Variants in ISLR2 observed in about 807,000 individuals in gnomAD.
ISLR2 encodes immunoglobulin superfamily containing leucine-rich repeat protein 2.
ISLR2 carries 16 observed loss-of-function variants against 25.5 expected under a neutral mutation model. The ratio of observed to expected loss-of-function variants is 0.63; its 90% CI spans 0.43 to 0.95. The LOEUF (loss-of-function observed/expected upper bound fraction) is 0.95, where lower values mean the gene tolerates loss of function less well. Ranked by LOEUF, ISLR2 falls within the 40% of genes least tolerant of loss-of-function variation. The pLI is 0.00. For missense variants in ISLR2, 883 were observed against 1,030.7 expected (o/e 0.86, Z 1.96); for synonymous variants, 508 against 486.6 (o/e 1.04, Z -0.58).
chr15:74,128,156 C>T (rs1367283022), upstream of ISLR2: 1 of 298,926 alleles, frequency 3.3e-6, no homozygotes, highest in Admixed American at 5.3e-5. Flanking sequence ...CCGGACGGCG[C>T]CGGACGAGGT....
intron 2 of ISLR2, among the ~76,000 whole-genome samples, chr15:74,106,540 G>C (rs1190631174): frequency 2.0e-5 from 3 of 152,042 alleles, no homozygotes; most frequent in Non-Finnish European, 4.4e-5. Context: ...AGCTGGGCAG[G>C]CTGGATCCCA....
rs147968872 is a variant in ISLR2 at position 74,134,113 on chromosome 15, G to C, written c.1359G>C (p.Pro453=). 1.6e-5 allele frequency: 26 copies of C among 1,613,570 alleles called. No individual in the cohort carries two copies. In the African/African-American group the frequency reaches 2.9e-4, roughly 18 times the overall value. Reference sequence around the variant, plus strand: ...CCGAAGACCAGATCCTCGCGGACCCGGCGGAGGAGCAGCGCTGTGGCAACG... The same window carrying C: ...CCGAAGACCAGATCCTCGCGGACCCCGCGGAGGAGCAGCGCTGTGGCAACG... ...EEAEDQILAD[P]AEEQRCGNGD... is the part of the protein sequence containing the mutation. Residue 453 remains proline (P), a synonymous_variant, in exon 3 of 3, where the codon CCG becomes CCC. Coordinates refer to ENST00000453268, the MANE Select transcript of ISLR2 (RefSeq NM_020851.3).
chr15:74,125,908 A>G (rs544477974), upstream of ISLR2: 1 of 152,374 alleles, frequency 6.6e-6, no homozygotes, highest in South Asian at 2.1e-4. Flanking sequence ...ACAAAGTCCA[A>G]TAAATACTTA....
chr15:74,136,751 G>C lies in ISLR2; in HGVS notation c.*1759G>C, dbSNP rs1296150925. ...GGGACGGAGTAGCCCCCCGGAGCCC[G>C]TGCCCTTTTCTAAACGCGTCTGTAT... On this transcript the variant is annotated 3_prime_UTR_variant, in exon 3 of 3. Transcript: ENST00000453268. The C allele has an allele frequency of 6.0e-6, 1 of 167,158 alleles. No individual in the cohort carries two copies. The highest frequency in any genetic ancestry group is 1.5e-5 in the Non-Finnish European group (1 of 68,214). 10.4% of individuals were successfully genotyped at this position (167,158 alleles called of 1,614,324 possible). A position where few individuals can be genotyped will look rare whatever the true frequency, so the allele number is the denominator to read the frequency against.
Position 74,133,510 on chromosome 15 carries a change from A to G in ISLR2, c.756A>G (p.Ala252=), listed in dbSNP as rs762058531. Residue 252 remains alanine, a synonymous_variant, in exon 3 of 3, where the codon GCA becomes GCG. Transcript: ENST00000453268. ...PLEAPGTPLR[A]GLAFVLHCIA... is the part of the protein sequence containing the mutation. ...AAGCACCCGGCACCCCACTGCGCGC[A>G]GGACTGGCGTTCGTGTTACACTGCA... 5.6e-6 allele frequency: 9 copies of G among 1,613,928 alleles called. No homozygotes were observed. The highest frequency in any genetic ancestry group is 7.6e-6 in the Non-Finnish European group (9 of 1,179,992).
chr15:74,125,239 G>A (rs535392745), upstream of ISLR2, among the ~76,000 whole-genome samples: 26 of 152,000 alleles, frequency 1.7e-4, no homozygotes, highest in African/African-American at 5.3e-4. Context: ...TTTTGTTTTC[G>A]TTTTTGTTTT....
downstream of ISLR2, among the ~76,000 whole-genome samples, chr15:74,137,289 A>C (rs2072579984): frequency 6.6e-6 from 1 of 152,228 alleles, no homozygotes; most frequent in Admixed American, 6.5e-5. Context: ...TGTGGCTTGC[A>C]CAAGAGAAGT....
chr15:74,107,050 G>A (rs2072126232), intron 2 of ISLR2, among the ~76,000 whole-genome samples: 1 of 151,386 alleles, frequency 6.6e-6, no homozygotes, highest in Non-Finnish European at 1.5e-5. Context: ...GGAGGTGCCT[G>A]CTGGAGGGAC....
chr15:74,117,162 A>G (rs1032240359), intron 2 of ISLR2, among the ~76,000 whole-genome samples: 3 of 152,140 alleles, frequency 2.0e-5, no homozygotes, highest in African/African-American at 4.8e-5. Context: ...TTCATCAGCT[A>G]CAGTTACTTT....
rs999955319 is a variant in ISLR2, at chr15:74,134,387, C to G, written c.1633C>G (p.Arg545Gly). 1.2e-6 allele frequency: 2 copies of G among 1,608,444 alleles called. No homozygotes were observed. The highest frequency in any genetic ancestry group is 1.7e-6 in the Non-Finnish European group (2 of 1,178,696). Residue 545 changes from arginine (R) to glycine (G), a missense_variant, in exon 3 of 3, where the codon CGC (arginine) becomes GGC (glycine). Around this residue, in one of 2 missense-constraint regions of ISLR2, gnomAD observed 612 missense variants for 642.8 expected, o/e 0.95. Coordinates refer to ENST00000453268, the MANE Select transcript of ISLR2 (RefSeq NM_020851.3). ...AGGGAAVQWS[R>G]VEEGVNAYWF... ...GGGCGGCGCGGCAGTGCAGTGGTCC[C>G]GCGTAGAGGAAGGCGTCAACGCCTA...
At chr15:74,109,931 A>T (rs1389716940) in intron 2 of ISLR2, among the ~76,000 whole-genome samples, 1 of 151,980 alleles carries the variant, frequency 6.6e-6, no homozygotes, top group Non-Finnish European at 1.5e-5. Flanking sequence ...AGTAGCTGAA[A>T]CCATAGACGC....
chr15:74,132,473 G>A lies in ISLR2; in HGVS notation c.-8-274G>A, dbSNP rs1376019765. On this transcript the variant is annotated intron_variant, in intron 2 of 2. Transcript: ENST00000453268. The surrounding 1 kb of genome is among the most constrained non-coding windows in gnomAD (Gnocchi z 4.3). The stretch of plus-strand genomic sequence containing the variant: ...TGGGCGAGCTGCGGAGCCCACGGAG[G>A]GGCCAGCTCCAGCGTGAAGGAAGGA... Among the ~76,000 whole-genome samples, 2 of 152,150 alleles carry A rather than the reference G, an allele frequency of 1.3e-5. No individual in the cohort carries two copies. Among genetic ancestry groups the A allele is most frequent in the East Asian group, 1.9e-4 (1 of 5,188 alleles).
intron 2 of ISLR2, among the ~76,000 whole-genome samples, chr15:74,104,766 G>A (rs2072107743): frequency 6.6e-6 from 1 of 151,124 alleles, no homozygotes; most frequent in Non-Finnish European, 1.5e-5. Context: ...TTTTTTCTCT[G>A]TTGCATATGG....
In ISLR2 at chr15:74,134,749, C is replaced by T. The variant is rs774366048; in HGVS notation, c.1995C>T (p.Gly665=). The change falls in exon 3 of 3, where the codon GGC becomes GGT. Residue 665 remains glycine, a synonymous_variant. Transcript: ENST00000453268. ...EKSYPAGGEA[G]GEEPEDVQGE... Reference sequence around the variant, plus strand: ...GCTACCCGGCAGGCGGCGAGGCGGGCGGCGAGGAGCCAGAGGACGTGCAGG... The same window carrying T: ...GCTACCCGGCAGGCGGCGAGGCGGGTGGCGAGGAGCCAGAGGACGTGCAGG... 2 of 1,613,944 alleles carry T rather than the reference C, an allele frequency of 1.2e-6. No homozygotes were observed. Among genetic ancestry groups the T allele is most frequent in the Admixed American group, 3.3e-5 (2 of 60,032 alleles).
downstream of ISLR2, among the ~76,000 whole-genome samples, chr15:74,140,943 CGCA>C (rs1395440563): frequency 1.3e-5 from 2 of 152,150 alleles, no homozygotes; most frequent in East Asian, 3.8e-4. Flanking sequence ...TTGCAATATT[CGCA>C]TTTTGTTCAA....
upstream of ISLR2, chr15:74,128,419 GCGTCCTTAACCACCCCAGGAGCCC>G: frequency 2.2e-6 from 1 of 455,376 alleles, no homozygotes; most frequent in Non-Finnish European, 4.4e-6. Context: ...GGTGGTCACC[GCGTCCTTAACCACCCCAGGAGCCC>G]CGTCTCCCTG....
intron 2 of ISLR2, among the ~76,000 whole-genome samples, chr15:74,106,908 C>T (rs569862892): frequency 6.6e-6 from 1 of 152,256 alleles, no homozygotes; most frequent in African/African-American, 2.4e-5. Flanking sequence ...CAGAGCCCTT[C>T]ATTCTCTCTC....
Position 74,135,088 on chromosome 15 carries a change from A to G in ISLR2, c.*96A>G. 3 of 1,406,962 alleles carry G rather than the reference A, an allele frequency of 2.1e-6. No individual in the cohort carries two copies. Among genetic ancestry groups the G allele is most frequent in the East Asian group, 2.3e-5 (1 of 43,394 alleles). The allele number at this position is 1,406,962 out of a possible 1,614,324, so 87.2% of individuals were successfully genotyped here. ...GCAGGACTTATGTCCCCCGTCCCCAACCTTCACCTACTCCTCCCCCTTACT... is the reference window on the plus strand; with the variant it reads ...GCAGGACTTATGTCCCCCGTCCCCAGCCTTCACCTACTCCTCCCCCTTACT... On this transcript the variant is annotated 3_prime_UTR_variant, in exon 3 of 3. Transcript: ENST00000453268.
intron 2 of ISLR2, among the ~76,000 whole-genome samples, chr15:74,108,542 A>C: frequency 6.7e-6 from 1 of 149,240 alleles, no homozygotes; most frequent in Non-Finnish European, 1.5e-5. Context: ...CACCTGCCCC[A>C]CTCCTCCCAC....
Sources: gnomAD v4.1 joint callset for allele counts (sites outside exome capture counted in the v4.1 genomes callset) on GRCh38, gnomAD v4.1.1 for gene constraint, gnomAD v4.1.1 regional missense constraint, Gnocchi (gnomAD v3.1) non-coding constraint, MANE v1.5 for transcripts, NCBI Gene and HGNC (gene_info 2026-07-23, HGNC 2026-07-21) for gene names.